NSD3: variants seen among roughly 807,000 people sequenced by gnomAD.
The protein encoded by NSD3 is nuclear receptor binding SET domain protein 3, also known as histone-lysine N-methyltransferase NSD3.
In NSD3, 24 loss-of-function variants were observed where a neutral mutation model predicts 160.8. The observed-to-expected ratio is 0.15, with a 90% CI of 0.11 to 0.21. The LOEUF is 0.21. NSD3 is among the 10% of genes least tolerant of loss of function. NSD3 has a pLI of 1.00. For missense variants in NSD3, 1,157 were observed against 1,735.9 expected, an observed-to-expected ratio of 0.67 and a Z score of 5.93; for synonymous variants, 520 against 600.0, an observed-to-expected ratio of 0.87 and a Z score of 1.95.
intron 14 of NSD3, among the ~76,000 whole-genome samples, chr8:38,301,865 T>C (rs961907208): frequency 1.3e-5 from 2 of 152,232 alleles, no homozygotes; most frequent in African/African-American, 2.4e-5. Context: ...TATTATTTAC[T>C]GTTAAAATGA....
In NSD3 at chr8:38,321,245, AC is replaced by A; in HGVS notation, c.1709-74del. The A allele has an allele frequency of 8.0e-7, 1 of 1,242,684 alleles. No individual in the cohort carries two copies. The allele number at this position is 1,242,684 out of a possible 1,614,324, so 77.0% of individuals were successfully genotyped here. A position where few individuals can be genotyped will look rare whatever the true frequency, so the allele number is the denominator to read the frequency against. On this transcript the variant is annotated intron_variant, in intron 7 of 23. Transcript: ENST00000317025. The surrounding 1 kb of genome is among the most constrained non-coding windows in gnomAD (Gnocchi z 4.7). ...TTGACATCTATGTAATTAAGATATG[AC>A]CACATTCCTTGCTTTTCTTACCCAT...
At chr8:38,374,722 T>TG (rs1299025020) in intron 1 of NSD3, among the ~76,000 whole-genome samples, 1 of 152,122 alleles carries the variant, frequency 6.6e-6, no homozygotes, top group Non-Finnish European at 1.5e-5. Context: ...AAATAATTCT[T>TG]GCCTGGGCGC....
At chr8:38,303,621 A>G (rs1197748867) in intron 14 of NSD3, among the ~76,000 whole-genome samples, 1 of 152,254 alleles carries the variant, frequency 6.6e-6, no homozygotes, top group Non-Finnish European at 1.5e-5. Flanking sequence ...CCTAAATTCT[A>G]TTTTAGAAAG....
At chr8:38,372,919 T>C (rs960745218) in intron 1 of NSD3, among the ~76,000 whole-genome samples, 2 of 139,000 alleles carry the variant, frequency 1.4e-5, no homozygotes, top group African/African-American at 5.3e-5. Flanking sequence ...GGTGTGGTGA[T>C]GGGCACCTGT....
At chr8:38,349,316 G>A (rs1045184597) in intron 1 of NSD3, among the ~76,000 whole-genome samples, 2 of 151,906 alleles carry the variant, frequency 1.3e-5, no homozygotes, top group South Asian at 2.1e-4. Flanking sequence ...AGAAAACCTC[G>A]TTTATTTTTT....
chr8:38,367,697 G>A (rs918873008), intron 1 of NSD3, among the ~76,000 whole-genome samples: 54 of 152,210 alleles, frequency 3.5e-4, no homozygotes, highest in African/African-American at 1.3e-3. Flanking sequence ...GGGTGACAGA[G>A]TGAGACTCTG....
intron 19 of NSD3, among the ~76,000 whole-genome samples, chr8:38,287,512 T>C (rs537534081): frequency 3.3e-5 from 5 of 152,298 alleles, no homozygotes; most frequent in Non-Finnish European, 7.4e-5. Flanking sequence ...CTATGAACAA[T>C]GGTTATCTCT....
chr8:38,285,635 G>C (rs1017509888), intron 19 of NSD3, among the ~76,000 whole-genome samples: 1 of 152,170 alleles, frequency 6.6e-6, no homozygotes, highest in Non-Finnish European at 1.5e-5. Context: ...TAAAGTGGAT[G>C]GATTTCAGGA....
chr8:38,275,839 A>G lies in NSD3; in HGVS notation c.4116T>C (p.Ser1372=), dbSNP rs1465079421. The G allele has an allele frequency of 1.2e-6, 2 of 1,614,204 alleles. No homozygotes were observed. The highest frequency in any genetic ancestry group is 2.2e-5 in the South Asian group (2 of 91,078). Residue 1372 remains serine (S), a synonymous_variant, in exon 24 of 24, where the codon AGT becomes AGC. Transcript: ENST00000317025. ...CPWHQCDECS[S]AAVSFCEFCP... ...AGAATTCACAGAAGGAAACAGCTGC[A>G]CTGCTGCACTCATCGCACTGATGCC... is the stretch of plus-strand genomic sequence containing the variant.
intron 12 of NSD3, among the ~76,000 whole-genome samples, chr8:38,309,446 C>T (rs555844027): frequency 3.9e-5 from 6 of 151,918 alleles, no homozygotes; most frequent in Admixed American, 2.0e-4. Context: ...CCAGCCAGGG[C>T]GACAGAGCAA....
chr8:38,372,845 C>T (rs1463946901), intron 1 of NSD3, among the ~76,000 whole-genome samples: 1 of 148,682 alleles, frequency 6.7e-6, no homozygotes, highest in Non-Finnish European at 1.5e-5. Context: ...CAGCCGGGCG[C>T]GGCGGTTCAC....
At position 38,319,023 on chromosome 8, in the gene NSD3, A is replaced by G. The variant is rs1809737678; in HGVS notation, c.1810-83T>C. 5 of 1,205,100 alleles carry G rather than the reference A, an allele frequency of 4.1e-6. No homozygotes were observed. Among genetic ancestry groups the G allele is most frequent in the Non-Finnish European group, 6.0e-6 (5 of 834,526 alleles). The allele number at this position is 1,205,100 out of a possible 1,614,324, so 74.7% of individuals were successfully genotyped here. A position where few individuals can be genotyped will look rare whatever the true frequency, so the allele number is the denominator to read the frequency against. Reference sequence around the variant, plus strand: ...ACAGAGGGAAAAGATACTTTCATCAATCTAAGCAATGATGAGTGATTAATG... The same window carrying G: ...ACAGAGGGAAAAGATACTTTCATCAGTCTAAGCAATGATGAGTGATTAATG... On this transcript the variant is annotated intron_variant, in intron 8 of 23. Coordinates refer to ENST00000317025, the MANE Select transcript of NSD3 (RefSeq NM_023034.2). The surrounding 1 kb of genome is among the most constrained non-coding windows in gnomAD (Gnocchi z 4.1).
chr8:38,309,242 T>C (rs2131014302), intron 12 of NSD3, among the ~76,000 whole-genome samples: 1 of 151,498 alleles, frequency 6.6e-6, no homozygotes, highest in Non-Finnish European at 1.5e-5. Flanking sequence ...GCAAGGCAGG[T>C]GGATCACTTG....
chr8:38,311,349 T>G (rs1809531936), intron 12 of NSD3, among the ~76,000 whole-genome samples: 1 of 152,066 alleles, frequency 6.6e-6, no homozygotes, highest in South Asian at 2.1e-4. Context: ...TTTTTTGAGA[T>G]GGAGTTTTGC....
In NSD3 at chr8:38,329,921, A is replaced by G; in HGVS notation, c.1066-28T>C. On this transcript the variant is annotated intron_variant, in intron 5 of 23. Coordinates refer to ENST00000317025, the MANE Select transcript of NSD3 (RefSeq NM_023034.2). This position sits in a 1 kb window ranked among gnomAD's most constrained non-coding sequence, Gnocchi z 4.8. ...TTAAAAAAGATAGAGATTATCAGAC[A>G]TGCTTTACTCTAATAGGTACATTAA... The G allele has an allele frequency of 6.5e-7, 1 of 1,539,754 alleles. No homozygotes were observed. Among genetic ancestry groups the G allele is most frequent in the Non-Finnish European group, 8.7e-7 (1 of 1,152,540 alleles).
intron 1 of NSD3, among the ~76,000 whole-genome samples, chr8:38,375,794 A>AAAT (rs954916342): frequency 2.0e-5 from 3 of 151,956 alleles, no homozygotes; most frequent in Admixed American, 6.6e-5. Flanking sequence ...CTTTTTCAAA[A>AAAT]AATAATAGAC....
At chr8:38,286,514 A>G (rs548107267) in intron 19 of NSD3, among the ~76,000 whole-genome samples, 2 of 152,116 alleles carry the variant, frequency 1.3e-5, no homozygotes, top group Non-Finnish European at 2.9e-5. Flanking sequence ...TAGACTCCTG[A>G]CCCATATTAA....
intron 14 of NSD3, among the ~76,000 whole-genome samples, chr8:38,300,113 T>C (rs1162850423): frequency 6.6e-6 from 1 of 152,082 alleles, no homozygotes; most frequent in Non-Finnish European, 1.5e-5. Flanking sequence ...CTCTGCCAGA[T>C]AATGAAACTC....
At chr8:38,301,556 G>A (rs1397601464) in intron 14 of NSD3, among the ~76,000 whole-genome samples, 1 of 152,106 alleles carries the variant, frequency 6.6e-6, no homozygotes, top group African/African-American at 2.4e-5. Context: ...CTCCAGCCTG[G>A]GCAACAAGAG....
Sources: allele counts gnomAD v4.1 joint callset (sites outside exome capture counted in the v4.1 genomes callset), GRCh38; gene constraint gnomAD v4.1.1; non-coding constraint Gnocchi (gnomAD v3.1); transcripts MANE v1.5; gene names NCBI Gene and HGNC (gene_info 2026-07-23, HGNC 2026-07-21).